Variants in GPR158 observed in about 807,000 individuals in gnomAD.
GPR158 encodes the protein metabotropic glycine receptor.
A neutral mutation model predicts 78.2 loss-of-function variants in GPR158; 30 were observed. That is an observed-to-expected ratio of 0.38 (90% CI 0.29 to 0.52). The LOEUF (loss-of-function observed/expected upper bound fraction) is 0.52. GPR158 is among the 20% of genes least tolerant of loss of function. The pLI is 0.83. For synonymous variants in GPR158, 581 were observed against 591.1 expected (o/e 0.98, Z 0.25); for missense variants, 1,463 against 1,523.5 (o/e 0.96, Z 0.66).
chr10:25,215,222 T>A (rs1853192079), intron 1 of GPR158, among the ~76,000 whole-genome samples: 1 of 152,192 alleles, frequency 6.6e-6, no homozygotes, highest in Non-Finnish European at 1.5e-5. Context: ...ACAACATGGA[T>A]GAACCTCGGG....
intron 6 of GPR158, among the ~76,000 whole-genome samples, chr10:25,564,208 TTGGG>T (rs1334625995): frequency 6.6e-6 from 1 of 152,230 alleles, no homozygotes; most frequent in Non-Finnish European, 1.5e-5. Context: ...TGTTTGTGTG[TTGGG>T]TATGTCATCA....
chr10:25,573,465 C>T (rs968094796), intron 7 of GPR158, among the ~76,000 whole-genome samples: 6 of 152,228 alleles, frequency 3.9e-5, no homozygotes, highest in Non-Finnish European at 7.3e-5. Flanking sequence ...GTAAGTGCTA[C>T]GTGGCTGAGA....
At chr10:25,342,900 T>G (rs1396861089) in intron 2 of GPR158, among the ~76,000 whole-genome samples, 1 of 151,864 alleles carries the variant, frequency 6.6e-6, no homozygotes, top group Non-Finnish European at 1.5e-5. Flanking sequence ...CTATTGTCAC[T>G]GTCAGCAGAT....
chr10:25,280,992 G>A (rs750683709), intron 2 of GPR158, among the ~76,000 whole-genome samples: 16 of 151,718 alleles, frequency 1.1e-4, no homozygotes, highest in East Asian at 3.9e-4. Flanking sequence ...AAAATTAGCC[G>A]GGCATGGTGG....
intron 2 of GPR158, among the ~76,000 whole-genome samples, chr10:25,235,853 T>C (rs184287491): frequency 7.2e-5 from 11 of 151,796 alleles, no homozygotes; most frequent in Admixed American, 2.0e-4. Flanking sequence ...CCTGCCACCA[T>C]GCCCGGCTAA....
At chr10:25,377,107 A>T (rs1834090892) in intron 2 of GPR158, among the ~76,000 whole-genome samples, 1 of 151,768 alleles carries the variant, frequency 6.6e-6, no homozygotes, top group Non-Finnish European at 1.5e-5. Context: ...TATCTTTTAA[A>T]ATGGTTCTTT....
At chr10:25,494,793 A>T (rs1242726406) in intron 5 of GPR158, among the ~76,000 whole-genome samples, 2 of 152,204 alleles carry the variant, frequency 1.3e-5, no homozygotes, top group African/African-American at 4.8e-5. Flanking sequence ...GTTTAAATAC[A>T]TGGACTCTTT....
At chr10:25,579,464 G>T (rs1223897515) in intron 7 of GPR158, among the ~76,000 whole-genome samples, 2 of 152,302 alleles carry the variant, frequency 1.3e-5, no homozygotes, top group South Asian at 2.1e-4. Flanking sequence ...TTTTATAACA[G>T]AGGTAGTGAT....
intron 6 of GPR158, among the ~76,000 whole-genome samples, chr10:25,557,340 C>A (rs183401746): frequency 6.6e-6 from 1 of 152,342 alleles, no homozygotes; most frequent in Non-Finnish European, 1.5e-5. Flanking sequence ...TCTTCCTTGG[C>A]ATACTTGCAG....
At chr10:25,464,761 A>G (rs1456589553) in intron 4 of GPR158, among the ~76,000 whole-genome samples, 4 of 152,330 alleles carry the variant, frequency 2.6e-5, no homozygotes, top group East Asian at 1.9e-4. Flanking sequence ...ACAGTCATGT[A>G]TAATATTTTG....
At chr10:25,575,398 A>G (rs116185948) in intron 7 of GPR158, among the ~76,000 whole-genome samples, 2,307 of 152,266 alleles carry the variant, frequency 0.015, 43 homozygotes, top group African/African-American at 0.053. Flanking sequence ...AGTTGGAATC[A>G]TTAGAAGGGA....
At chr10:25,546,468 C>A (rs1836663305) in intron 5 of GPR158, among the ~76,000 whole-genome samples, 1 of 151,972 alleles carries the variant, frequency 6.6e-6, no homozygotes, top group African/African-American at 2.4e-5. Context: ...ATGTTTGACA[C>A]TATATTCCCT....
chr10:25,389,948 AT>A (rs1834271468), intron 2 of GPR158, among the ~76,000 whole-genome samples: 1 of 152,166 alleles, frequency 6.6e-6, no homozygotes, highest in Non-Finnish European at 1.5e-5. Context: ...TAATTGAATC[AT>A]GGGAGCAGGT....
chr10:25,288,584 A>G (rs377614522), intron 2 of GPR158, among the ~76,000 whole-genome samples: 7 of 152,244 alleles, frequency 4.6e-5, no homozygotes, highest in African/African-American at 1.7e-4. Context: ...AGCTCAAATG[A>G]TGGAGAGGAA....
chr10:25,241,157 CTTT>C (rs1564399300), intron 2 of GPR158, among the ~76,000 whole-genome samples: 228 of 122,240 alleles, frequency 1.9e-3, no homozygotes, highest in African/African-American at 7.4e-3. Flanking sequence ...TTCTTTCTTT[CTTT>C]CTTTCTTTCT....
intron 2 of GPR158, among the ~76,000 whole-genome samples, chr10:25,297,590 G>C (rs996502357): frequency 1.3e-5 from 2 of 152,160 alleles, no homozygotes; most frequent in South Asian, 4.1e-4. Context: ...CAGGAAGTAT[G>C]TTCTGTTTTA....
intron 7 of GPR158, among the ~76,000 whole-genome samples, chr10:25,583,930 T>C (rs1837235096): frequency 6.6e-6 from 1 of 152,186 alleles, no homozygotes; most frequent in African/African-American, 2.4e-5. Flanking sequence ...GTGGGTAGTC[T>C]AGGATCACAG....
chr10:25,498,100 C>T (rs1472297213), intron 5 of GPR158, among the ~76,000 whole-genome samples: 1 of 152,128 alleles, frequency 6.6e-6, no homozygotes, highest in East Asian at 1.9e-4. Flanking sequence ...GTATATTGTA[C>T]GCAGAAAAGT....
intron 2 of GPR158, among the ~76,000 whole-genome samples, chr10:25,247,663 G>A (rs1332139755): frequency 6.7e-6 from 1 of 148,970 alleles, no homozygotes; most frequent in Non-Finnish European, 1.5e-5. Flanking sequence ...TTTTATGGCT[G>A]CATAGTATTC....
Sources: gnomAD v4.1 joint callset for allele counts (sites outside exome capture counted in the v4.1 genomes callset) on GRCh38, gnomAD v4.1.1 for gene constraint, MANE v1.5 for transcripts, NCBI Gene and HGNC (gene_info 2026-07-23, HGNC 2026-07-21) for gene names.